PLCG2: variants seen among roughly 807,000 people sequenced by gnomAD.
The protein encoded by PLCG2 is phospholipase C gamma 2, also known as 1-phosphatidylinositol 4,5-bisphosphate phosphodiesterase gamma-2.
PLCG2 carries 69 observed loss-of-function variants against 175.6 expected under a neutral mutation model. The observed-to-expected ratio is 0.39, with a 90% CI of 0.32 to 0.48. The LOEUF is 0.48. Ranked by LOEUF, PLCG2 falls within the 20% of genes least tolerant of loss-of-function variation. PLCG2 has a pLI of 0.91. For synonymous variants in PLCG2, 827 were observed against 624.0 expected (o/e 1.33, Z -4.85); for missense variants, 1,798 against 1,650.9 (o/e 1.09, Z -1.54).
At chr16:81,745,970 C>T (rs1221720236) in intron 1 of PLCG2, among the ~76,000 whole-genome samples, 1 of 152,206 alleles carries the variant, frequency 6.6e-6, no homozygotes, top group Non-Finnish European at 1.5e-5. Context: ...TGCGTCCTTC[C>T]TTTTTCTTTA....
intron 2 of PLCG2, among the ~76,000 whole-genome samples, chr16:81,791,499 C>T (rs1911229644): frequency 6.6e-6 from 1 of 152,156 alleles, no homozygotes; most frequent in Admixed American, 6.5e-5. Context: ...TGGAAGGTTC[C>T]AGAATCTTCA....
intron 25 of PLCG2, among the ~76,000 whole-genome samples, chr16:81,931,868 G>T (rs1282058119): frequency 6.6e-6 from 1 of 152,204 alleles, no homozygotes; most frequent in Non-Finnish European, 1.5e-5. Context: ...GGGTCTGGTT[G>T]TCTGGTTCGA....
At chr16:81,920,007 T>C (rs905518610) in intron 20 of PLCG2, among the ~76,000 whole-genome samples, 54 of 152,244 alleles carry the variant, frequency 3.5e-4, no homozygotes, top group African/African-American at 1.2e-3. Context: ...TGAAAAGGAA[T>C]GAGCCATGTG....
At chr16:81,776,990 A>T (rs72834723), upstream of PLCG2, among the ~76,000 whole-genome samples, 11,213 of 152,300 alleles carry the variant, frequency 0.074, 518 homozygotes, top group African/African-American at 0.12. Flanking sequence ...GTTAGCAAAA[A>T]ATGAGCCAAA....
At chr16:81,955,603 G>A (rs1374227495) in intron 31 of PLCG2, among the ~76,000 whole-genome samples, 2 of 152,144 alleles carry the variant, frequency 1.3e-5, no homozygotes, top group Non-Finnish European at 2.9e-5. Context: ...CTGAATCTCT[G>A]TGCTCACTCA....
chr16:81,857,115 T>A (rs1906725769), intron 3 of PLCG2, among the ~76,000 whole-genome samples: 1 of 152,252 alleles, frequency 6.6e-6, no homozygotes, highest in African/African-American at 2.4e-5. Context: ...TCATTTGTTA[T>A]AGCAGCAGAG....
intron 13 of PLCG2, chr16:81,898,320 T>C (rs1908988128): frequency 1.3e-5 from 2 of 152,740 alleles, no homozygotes; most frequent in South Asian, 4.1e-4. Context: ...AGAAAATGAT[T>C]GCAAGCAGCG....
Position 81,869,245 on chromosome 16 carries a change from C to A in PLCG2, c.511C>A (p.Pro171Thr). The A allele has an allele frequency of 6.2e-7, 1 of 1,613,936 alleles. No individual in the cohort carries two copies. Among genetic ancestry groups the A allele is most frequent in the Non-Finnish European group, 8.5e-7 (1 of 1,179,794 alleles). Residue 171 changes from proline to threonine, a missense_variant, in exon 6 of 33, where the codon CCC becomes ACC. Transcript: ENST00000564138. ...ISLRELKTIL[P>T]LINFKVSSAK... ...TCTCCGAGAGTTGAAGACCATCTTGCCCCTGATCAACTTTAAAGTGAGCAG... is the reference window on the plus strand; with the variant it reads ...TCTCCGAGAGTTGAAGACCATCTTGACCCTGATCAACTTTAAAGTGAGCAG...
chr16:81,923,405 C>G lies in PLCG2; in HGVS notation c.2308-80C>G, dbSNP rs1597134696. 3 of 811,016 alleles carry G rather than the reference C, an allele frequency of 3.7e-6. No homozygotes were observed. The African/African-American group carries it at 5.0e-5, about 14-fold the overall frequency. 50.2% of individuals were successfully genotyped at this position (811,016 alleles called of 1,614,324 possible). A position where few individuals can be genotyped will look rare whatever the true frequency, so the allele number is the denominator to read the frequency against. ...CCTCCTGCTCCCCAATGAGAAGAAC[C>G]AAATGGTACCTGGGAACGCAGCCGC... On this transcript the variant is annotated intron_variant, in intron 21 of 32. Transcript: ENST00000564138.
intron 5 of PLCG2, among the ~76,000 whole-genome samples, chr16:81,865,689 TG>T (rs1183765769): frequency 2.0e-5 from 3 of 150,532 alleles, no homozygotes; most frequent in Admixed American, 6.6e-5. Flanking sequence ...TGGGCTCCAC[TG>T]GGGCACCAGC....
rs1908638165 is a variant in PLCG2, at chr16:81,891,602, A to T, written c.986+12A>T. The T allele has an allele frequency of 1.4e-6, 2 of 1,464,836 alleles. No individual in the cohort carries two copies. The highest frequency in any genetic ancestry group is 1.9e-6 in the Non-Finnish European group (2 of 1,044,782). The allele number at this position is 1,464,836 out of a possible 1,614,324, so 90.7% of individuals were successfully genotyped here. A position where few individuals can be genotyped will look rare whatever the true frequency, so the allele number is the denominator to read the frequency against. ...TCGTCACATAACACGTGAGTTTCAG[A>T]TGAGCCTGTGATGGGTTGGGCAGCA... On this transcript the variant is annotated intron_variant, in intron 11 of 32. Coordinates refer to ENST00000564138, the MANE Select transcript of PLCG2 (RefSeq NM_002661.5).
At chr16:81,808,903 A>G (rs1904294879) in intron 2 of PLCG2, among the ~76,000 whole-genome samples, 1 of 152,192 alleles carries the variant, frequency 6.6e-6, no homozygotes, top group Admixed American at 6.5e-5. Flanking sequence ...CCATGAGATC[A>G]GGGGAGACAT....
chr16:81,929,866 C>T (rs1910429210), intron 24 of PLCG2, among the ~76,000 whole-genome samples: 1 of 152,268 alleles, frequency 6.6e-6, no homozygotes, highest in Non-Finnish European at 1.5e-5. Flanking sequence ...CCTGCATCCA[C>T]TTCTGGTGCT....
chr16:81,767,116 A>G (rs950249256), intron 2 of PLCG2, among the ~76,000 whole-genome samples: 1 of 128,476 alleles, frequency 7.8e-6, no homozygotes, highest in Non-Finnish European at 1.6e-5. Context: ...TCTCCACCCC[A>G]TTCAACTGAT....
At chr16:81,878,043 G>A (rs1199247957) in intron 7 of PLCG2, among the ~76,000 whole-genome samples, 2 of 130,020 alleles carry the variant, frequency 1.5e-5, no homozygotes, top group Non-Finnish European at 3.1e-5. Flanking sequence ...GTGTAGTGGC[G>A]CCATCTCGGC....
chr16:81,856,493 C>T (rs1474497843), intron 3 of PLCG2, among the ~76,000 whole-genome samples: 1 of 152,168 alleles, frequency 6.6e-6, no homozygotes. Flanking sequence ...AAGCCATACT[C>T]TCCTGGGTAT....
At chr16:81,803,197 C>T (rs976342751) in intron 2 of PLCG2, among the ~76,000 whole-genome samples, 71 of 148,366 alleles carry the variant, frequency 4.8e-4, no homozygotes, top group Non-Finnish European at 4.9e-4. Flanking sequence ...CGGCTCACTG[C>T]AAGCTCTGCC....
At chr16:81,743,459 G>A (rs1364855943) in intron 1 of PLCG2, among the ~76,000 whole-genome samples, 1 of 152,236 alleles carries the variant, frequency 6.6e-6, no homozygotes, top group South Asian at 2.1e-4. Flanking sequence ...CAGGTAGAGC[G>A]ACCTGCGTGG....
chr16:81,819,811 C>G (rs1032635752), intron 2 of PLCG2, among the ~76,000 whole-genome samples: 10 of 152,150 alleles, frequency 6.6e-5, no homozygotes, highest in African/African-American at 2.4e-4. Flanking sequence ...GTCTCGAACT[C>G]CTGACCTTGT....
Sources: allele counts gnomAD v4.1 joint callset (sites outside exome capture counted in the v4.1 genomes callset), GRCh38; gene constraint gnomAD v4.1.1; transcripts MANE v1.5; gene names NCBI Gene and HGNC (gene_info 2026-07-23, HGNC 2026-07-21).